Variants in SLC23A2 observed in about 807,000 individuals in gnomAD.
The protein encoded by SLC23A2 is solute carrier family 23 member 2.
SLC23A2 carries 36 observed loss-of-function variants against 73.3 expected under a neutral mutation model. That is an observed-to-expected ratio of 0.49 (90% confidence interval 0.38 to 0.65). The LOEUF (loss-of-function observed/expected upper bound fraction) is 0.65. Among genes scored for constraint, SLC23A2 ranks in the 30% least tolerant of loss-of-function variants. The pLI, the probability that SLC23A2 is intolerant of heterozygous loss-of-function variation, is 0.00. For synonymous variants in SLC23A2, 343 were observed against 327.3 expected (o/e 1.05, Z -0.52); for missense variants, 507 against 841.6 (o/e 0.60, Z 4.92).
chr20:4,927,803 G>T (rs1368575717), intron 3 of SLC23A2, among the ~76,000 whole-genome samples: 1 of 151,712 alleles, frequency 6.6e-6, no homozygotes, highest in African/African-American at 2.4e-5. Flanking sequence ...CATGCCTTTG[G>T]TATCTCCCAG....
In SLC23A2 at chr20:4,870,378, A is replaced by C. The variant is rs551984976; in HGVS notation, c.1103-325T>G. Among the ~76,000 whole-genome samples the C allele has an allele frequency of 2.0e-5, 3 of 152,278 alleles. No homozygotes were observed. The South Asian group carries it at 6.2e-4, about 32-fold the overall frequency. On this transcript the variant is annotated intron_variant, in intron 11 of 16. Transcript: ENST00000338244. ...CAGATCACGAGGTCAGGAGTTCGAG[A>C]CCAGCCTGGCCAACAAGGTGAAACC...
chr20:4,980,799 G>A (rs1045908907), intron 1 of SLC23A2, among the ~76,000 whole-genome samples: 1 of 152,000 alleles, frequency 6.6e-6, no homozygotes, highest in Non-Finnish European at 1.5e-5. Flanking sequence ...CAAAGGGCTG[G>A]GTGATTACCG....
At chr20:4,869,565 A>T (rs1930355008) in intron 12 of SLC23A2, 1 of 231,660 alleles carries the variant, frequency 4.3e-6, no homozygotes, top group Non-Finnish European at 8.5e-6. Context: ...ACACACCCCA[A>T]AAAAAGCAAA....
At chr20:4,992,927 T>A (rs1044177823) in intron 1 of SLC23A2, among the ~76,000 whole-genome samples, 3 of 151,894 alleles carry the variant, frequency 2.0e-5, no homozygotes, top group Non-Finnish European at 4.4e-5. Context: ...TTTGAAAGGA[T>A]CCAAAATTTG....
In SLC23A2 at chr20:4,868,098, T is replaced by G. The variant is rs867083134; in HGVS notation, c.1251-223A>C. Reference sequence around the variant, plus strand: ...TTTTTTTTTTTTTTTTTTTTTTTTTTAGAGAGTGTCTCACTCCGTCACCTA... The same window carrying G: ...TTTTTTTTTTTTTTTTTTTTTTTTTGAGAGAGTGTCTCACTCCGTCACCTA... On this transcript the variant is annotated intron_variant, in intron 12 of 16. Transcript: ENST00000338244. The surrounding 1 kb of genome is among the most constrained non-coding windows in gnomAD (Gnocchi z 4.4). Among the ~76,000 whole-genome samples, 1 of 123,852 alleles carries G rather than the reference T, an allele frequency of 8.1e-6. No individual in the cohort carries two copies. Among genetic ancestry groups the G allele is most frequent in the Non-Finnish European group, 1.7e-5 (1 of 60,514 alleles). The allele number at this position is 123,852 out of a possible 152,430, so 81.3% of individuals were successfully genotyped here.
rs566985952 is a variant in SLC23A2 at position 4,961,295 on chromosome 20, A to C, written c.-155+9498T>G. Reference sequence around the variant, plus strand: ...ACGGGGTTTCACCTTGTTAGCCAGGATGGTCTCGATCTCCCTGACCTCATG... The same window carrying C: ...ACGGGGTTTCACCTTGTTAGCCAGGCTGGTCTCGATCTCCCTGACCTCATG... On this transcript the variant is annotated intron_variant, in intron 2 of 16. Transcript: ENST00000338244. 2.2e-4 allele frequency among the ~76,000 whole-genome samples: 34 copies of C among 151,918 alleles called. No individual in the cohort carries two copies. The Middle Eastern group carries it at 0.01, about 46-fold the overall frequency.
rs78081612 is a variant in SLC23A2 at position 4,854,708 on chromosome 20, G to A, written c.*2264C>T. 8,972 of 152,276 alleles carry A rather than the reference G, an allele frequency of 0.059. 286 individuals are homozygous for A. The highest frequency in any genetic ancestry group is 0.088 in the Middle Eastern group (26 of 294). The allele number at this position is 152,276 out of a possible 1,614,324, so 9.4% of individuals were successfully genotyped here. ...CTCCTGATACAACCCGGCCCAAGGA[G>A]GGGCTTCAGAAGGGAGTGGGTTTCT... On this transcript the variant is annotated 3_prime_UTR_variant, in exon 17 of 17. Transcript: ENST00000338244.
chr20:4,949,875 A>C (rs969796387), intron 2 of SLC23A2, among the ~76,000 whole-genome samples: 1 of 152,148 alleles, frequency 6.6e-6, no homozygotes. Context: ...CTTCCACAGA[A>C]ATGTCCTCTA....
intron 1 of SLC23A2, chr20:5,010,073 C>T (rs562720462): frequency 5.9e-5 from 8 of 134,466 alleles, no homozygotes; most frequent in East Asian, 4.3e-4. Flanking sequence ...CCAGCCTGGG[C>T]GACAGAGTGA....
At chr20:4,892,878 T>C (rs756702079) in intron 6 of SLC23A2, among the ~76,000 whole-genome samples, 4 of 151,958 alleles carry the variant, frequency 2.6e-5, no homozygotes, top group Non-Finnish European at 4.4e-5. Flanking sequence ...GAGACTGGTT[T>C]AGAGAGGGAA....
intron 4 of SLC23A2, among the ~76,000 whole-genome samples, chr20:4,905,213 T>C (rs958918139): frequency 2.0e-5 from 3 of 151,982 alleles, no homozygotes; most frequent in Admixed American, 6.5e-5. Context: ...CACAAGCTTT[T>C]CTTAGTAATG....
chr20:5,010,292 T>C (rs2088236465), exon 1 of SLC23A2: 1 of 152,118 alleles, frequency 6.6e-6, no homozygotes, highest in African/African-American at 2.4e-5. Flanking sequence ...AGAAGATGAA[T>C]GGCCCTGCTC....
At chr20:4,976,634 C>G (rs2087647928) in intron 1 of SLC23A2, among the ~76,000 whole-genome samples, 1 of 150,896 alleles carries the variant, frequency 6.6e-6, no homozygotes, top group African/African-American at 2.4e-5. Context: ...GAGATCATGG[C>G]ATTGCACTCC....
At chr20:4,941,926 A>C (rs1600155467) in intron 2 of SLC23A2, among the ~76,000 whole-genome samples, 1 of 152,218 alleles carries the variant, frequency 6.6e-6, no homozygotes, top group Non-Finnish European at 1.5e-5. Flanking sequence ...GTATACACAC[A>C]CCAAAATGTT....
intron 2 of SLC23A2, among the ~76,000 whole-genome samples, chr20:4,955,058 C>T (rs1439450771): frequency 6.6e-6 from 1 of 151,880 alleles, no homozygotes; most frequent in Non-Finnish European, 1.5e-5. Context: ...GCCAGGGCAA[C>T]GTAACAAGAC....
chr20:5,002,636 C>CA (rs1386059629), upstream of SLC23A2, among the ~76,000 whole-genome samples: 1 of 152,190 alleles, frequency 6.6e-6, no homozygotes, highest in Non-Finnish European at 1.5e-5. Context: ...GGGGGAGCAG[C>CA]AACTAAAGGA....
chr20:4,873,030 C>T (rs975075716), intron 11 of SLC23A2, among the ~76,000 whole-genome samples: 9 of 152,198 alleles, frequency 5.9e-5, no homozygotes, highest in African/African-American at 2.2e-4. Context: ...GCTGGGGTTA[C>T]AGGCATGTCC....
intron 2 of SLC23A2, among the ~76,000 whole-genome samples, chr20:4,968,014 G>A (rs1378762960): frequency 2.0e-5 from 3 of 152,214 alleles, no homozygotes; most frequent in African/African-American, 7.2e-5. Flanking sequence ...CAAATGGAAT[G>A]ACACCAACCA....
intron 1 of SLC23A2, among the ~76,000 whole-genome samples, chr20:4,986,447 G>A (rs961515755): frequency 6.6e-6 from 1 of 152,202 alleles, no homozygotes; most frequent in African/African-American, 2.4e-5. Context: ...CTGAGTAGCT[G>A]GGATTACAGC....
Sources: gnomAD v4.1 joint callset for allele counts (sites outside exome capture counted in the v4.1 genomes callset) on GRCh38, gnomAD v4.1.1 for gene constraint, Gnocchi (gnomAD v3.1) non-coding constraint, MANE v1.5 for transcripts, NCBI Gene and HGNC (gene_info 2026-07-23, HGNC 2026-07-21) for gene names.